The following MRAP2 variants were observed in gnomAD, a reference collection of about 807,000 sequenced individuals.
The protein encoded by MRAP2 is melanocortin 2 receptor accessory protein 2.
MRAP2 carries 20 observed loss-of-function variants against 17.4 expected under a neutral mutation model. That is an observed-to-expected ratio of 1.15 (90% CI 0.81 to 1.67). The LOEUF is 1.67. Among genes scored for constraint, MRAP2 ranks in the 40% most tolerant of loss-of-function variants. The pLI is 0.00. For missense variants in MRAP2, 238 were observed against 240.0 expected (o/e 0.99, Z 0.05); for synonymous variants, 96 against 88.4 (o/e 1.09, Z -0.48).
At chr6:84,056,544 A>G (rs1162089367) in intron 2 of MRAP2, among the ~76,000 whole-genome samples, 1 of 152,230 alleles carries the variant, frequency 6.6e-6, no homozygotes, top group Admixed American at 6.5e-5. Flanking sequence ...AGCACATGGC[A>G]TTTATCAAGG....
At position 84,065,679 on chromosome 6, in the gene MRAP2, A is replaced by G. The variant is rs571718115; in HGVS notation, c.227+2687A>G. 5.3e-5 allele frequency among the ~76,000 whole-genome samples: 8 copies of G among 152,338 alleles called. No individual in the cohort carries two copies. In the East Asian group the frequency reaches 1.4e-3, roughly 26 times the overall value. On this transcript the variant is annotated intron_variant, in intron 3 of 3. Transcript: ENST00000257776. ...AGATTTTAGGACTAGGAACACTAGC[A>G]TGAAATAGAATGTGACTTCCTGTGA... is the stretch of plus-strand genomic sequence containing the variant.
At chr6:84,095,950 T>C in the MRAP2 span, among the ~76,000 whole-genome samples, 1 of 152,232 alleles carries the variant, frequency 6.6e-6, no homozygotes, top group Non-Finnish European at 1.5e-5. Context: ...TCTGCAACTG[T>C]ATACCTAGTG....
At chr6:84,136,583 G>A in the MRAP2 span, among the ~76,000 whole-genome samples, 2 of 152,164 alleles carry the variant, frequency 1.3e-5, no homozygotes, top group African/African-American at 4.8e-5. Context: ...TAGGCTATAT[G>A]TATCTGTTTG....
chr6:84,044,533 A>G (rs1239283715), intron 1 of MRAP2, among the ~76,000 whole-genome samples: 1 of 152,202 alleles, frequency 6.6e-6, no homozygotes, highest in African/African-American at 2.4e-5. Context: ...GATGGCCATA[A>G]GGGAAGCTCT....
chr6:84,033,737 G>A (rs534429959), upstream of MRAP2: 1 of 985,418 alleles, frequency 1.0e-6, no homozygotes, highest in African/African-American at 1.7e-5. Context: ...CGGGTCGGGA[G>A]CGCGCGTCTC....
chr6:84,116,022 T>G, the MRAP2 span, among the ~76,000 whole-genome samples: 3 of 152,198 alleles, frequency 2.0e-5, no homozygotes, highest in Admixed American at 6.5e-5. Flanking sequence ...CTGTTTCTAT[T>G]TGGCCATCTT....
chr6:84,034,353 C>A (rs1426880383), intron 1 of MRAP2, among the ~76,000 whole-genome samples: 1 of 152,176 alleles, frequency 6.6e-6, no homozygotes, highest in Non-Finnish European at 1.5e-5. Context: ...ATGCACTGGG[C>A]AGGGTTCTCA....
chr6:84,059,806 C>T (rs2099492636), intron 2 of MRAP2, among the ~76,000 whole-genome samples: 1 of 152,212 alleles, frequency 6.6e-6, no homozygotes, highest in Non-Finnish European at 1.5e-5. Flanking sequence ...TCTTAACCAT[C>T]TAGCCTCATT....
chr6:84,089,378 C>A lies in MRAP2; in HGVS notation c.515C>A (p.Thr172Lys). 1.9e-6 allele frequency: 3 copies of A among 1,614,212 alleles called. No homozygotes were observed. The highest frequency in any genetic ancestry group is 2.5e-6 in the Non-Finnish European group (3 of 1,180,040). The change falls in exon 4 of 4, where the codon ACA (threonine) becomes AAA (lysine). Residue 172 changes from threonine (T) to lysine (K), a missense_variant. Thr to Lys is a moderately conservative substitution (Grantham distance 78, BLOSUM62 -1). Coordinates refer to ENST00000257776, the MANE Select transcript of MRAP2 (RefSeq NM_138409.4). ...MKFDIPNFVN[T>K]DQNYFGEDDL... ...TTTGACATCCCCAACTTTGTGAACA[C>A]AGACCAGAACTACTTTGGGGAGGAT...
chr6:84,126,510 A>AAT, the MRAP2 span: 1 of 1,521,748 alleles, frequency 6.6e-7, no homozygotes, highest in Non-Finnish European at 8.8e-7. Context: ...AGAGTTTTGT[A>AAT]ATCTAAAATT....
chr6:84,080,798 C>G (rs1041765213), intron 3 of MRAP2, among the ~76,000 whole-genome samples: 1 of 152,056 alleles, frequency 6.6e-6, no homozygotes, highest in African/African-American at 2.4e-5. Flanking sequence ...TCTCAGTTTG[C>G]CTAACAGTTT....
intron 1 of MRAP2, among the ~76,000 whole-genome samples, chr6:84,035,750 C>T (rs1264864880): frequency 6.6e-6 from 1 of 152,146 alleles, no homozygotes; most frequent in Non-Finnish European, 1.5e-5. Flanking sequence ...TTTTACCTTG[C>T]AGATTATGTC....
At chr6:84,061,682 G>C in intron 2 of MRAP2, 2 of 714,574 alleles carry the variant, frequency 2.8e-6, no homozygotes, top group Non-Finnish European at 3.4e-6. Flanking sequence ...AGGTGTGGCT[G>C]TGAGGAAGCT....
intron 3 of MRAP2, among the ~76,000 whole-genome samples, chr6:84,077,336 G>A (rs2099497878): frequency 6.6e-6 from 1 of 152,170 alleles, no homozygotes; most frequent in Non-Finnish European, 1.5e-5. Flanking sequence ...GGGCCTATCA[G>A]GTAGAAAGAA....
intron 3 of MRAP2, among the ~76,000 whole-genome samples, chr6:84,077,239 T>C (rs529212125): frequency 6.6e-6 from 1 of 152,312 alleles, no homozygotes; most frequent in African/African-American, 2.4e-5. Flanking sequence ...TTCTTCCCAT[T>C]GGGAGATCAG....
chr6:84,041,792 G>A (rs2099487657), intron 1 of MRAP2, among the ~76,000 whole-genome samples: 1 of 152,224 alleles, frequency 6.6e-6, no homozygotes, highest in South Asian at 2.1e-4. Flanking sequence ...TTGTATCTAG[G>A]AAGTAACTAA....
intron 3 of MRAP2, among the ~76,000 whole-genome samples, chr6:84,073,555 C>T (rs1354415617): frequency 6.6e-6 from 1 of 152,218 alleles, no homozygotes; most frequent in African/African-American, 2.4e-5. Flanking sequence ...CCTCTGCACA[C>T]TGCTCTGTCC....
At chr6:84,073,887 TG>T (rs140592914) in intron 3 of MRAP2, among the ~76,000 whole-genome samples, 39 of 115,428 alleles carry the variant, frequency 3.4e-4, no homozygotes, top group African/African-American at 1.4e-3. Flanking sequence ...TGTGTGTGTG[TG>T]TTTTTTTTTT....
intron 3 of MRAP2, among the ~76,000 whole-genome samples, chr6:84,087,140 A>T (rs2099500681): frequency 6.6e-6 from 1 of 151,676 alleles, no homozygotes; most frequent in Non-Finnish European, 1.5e-5. Flanking sequence ...GGTCCTGAAG[A>T]CATGTGCCCA....
Sources: allele counts gnomAD v4.1 joint callset (sites outside exome capture counted in the v4.1 genomes callset), GRCh38; gene constraint gnomAD v4.1.1; transcripts MANE v1.5; gene names NCBI Gene and HGNC (gene_info 2026-07-23, HGNC 2026-07-21).